Variants in GPRIN1 observed in about 807,000 individuals in gnomAD.
GPRIN1 encodes the protein G protein-regulated inducer of neurite outgrowth 1.
A neutral mutation model predicts 2.8 loss-of-function variants in GPRIN1; 4 were observed. The observed-to-expected ratio is 1.45, with a 90% CI of 0.71 to 3.32. The LOEUF (loss-of-function observed/expected upper bound fraction) is 3.32. GPRIN1 is among the 30% of genes most tolerant of loss of function. The pLI is 0.01. For synonymous variants in GPRIN1, 589 were observed against 589.9 expected (o/e 1.00, Z 0.02); for missense variants, 1,322 against 1,343.4 (o/e 0.98, Z 0.25).
Position 176,598,879 on chromosome 5 carries a change from C to T in GPRIN1, c.956G>A (p.Gly319Asp). The T allele has an allele frequency of 6.2e-7, 1 of 1,614,086 alleles. No homozygotes were observed. The highest frequency in any genetic ancestry group is 1.1e-5 in the South Asian group (1 of 91,084). Residue 319 changes from glycine to aspartate, a missense_variant, in exon 2 of 2, where the codon GGC becomes GAC. Physicochemically the swap from Gly to Asp is moderately conservative, Grantham distance 94. This residue lies in a region of GPRIN1 where 1,117 missense variants were observed against 1,128.6 expected (regional missense o/e 0.99). Coordinates refer to ENST00000303991, the MANE Select transcript of GPRIN1 (RefSeq NM_052899.3). ...STGKTEPGLL[G>D]KLIPGSSGKN... ...GCCTGATGAGCCTGGAATCAGCTTG[C>T]CCAGGAGCCCCGGCTCTGTCTTTCC...
chr5:176,602,725 G>A lies in GPRIN1; in HGVS notation c.-43-2848C>T, dbSNP rs1402799309. 2.6e-5 allele frequency among the ~76,000 whole-genome samples: 4 copies of A among 152,186 alleles called. No homozygotes were observed. The highest frequency in any genetic ancestry group is 4.4e-5 in the Non-Finnish European group (3 of 68,036). On this transcript the variant is annotated intron_variant, in intron 1 of 1. Transcript: ENST00000303991. The surrounding 1 kb of genome is among the most constrained non-coding windows in gnomAD (Gnocchi z 4.4). Reference sequence around the variant, plus strand: ...CTGAAGATGGTCCTGGGGTACACAAGGGCATGGCTAGTGATGAGAACAAGA... The same window carrying A: ...CTGAAGATGGTCCTGGGGTACACAAAGGCATGGCTAGTGATGAGAACAAGA...
Position 176,597,093 on chromosome 5 carries a change from G to T in GPRIN1, c.2742C>A (p.Ser914Arg). Residue 914 changes from serine (S) to arginine (R), a missense_variant, in exon 2 of 2, where the codon AGC becomes AGA. Physicochemically the swap from Ser to Arg is moderately radical, Grantham distance 110 (BLOSUM62 -1). Transcript: ENST00000303991. The surrounding 1 kb of genome is among the most constrained non-coding windows in gnomAD (Gnocchi z 6.1). ...PEPAEPVRDVSWDEKGMTWEV... is the reference protein window; with the variant it reads ...PEPAEPVRDVRWDEKGMTWEV... ...CCCACGTCATGCCCTTCTCGTCCCA[G>T]CTCACGTCTCGCACGGGCTCAGCCG... 6.7e-7 allele frequency: 1 copy of T among 1,493,150 alleles called. No individual in the cohort carries two copies. 92.5% of individuals were successfully genotyped at this position (1,493,150 alleles called of 1,614,324 possible).
At position 176,595,915 on chromosome 5, in the gene GPRIN1, C is replaced by T. The variant is rs116373545; in HGVS notation, c.*893G>A. 967 of 395,006 alleles carry T rather than the reference C, an allele frequency of 2.4e-3. 6 individuals carry two copies. Among genetic ancestry groups the T allele is most frequent in the Non-Finnish European group, 3.8e-3 (844 of 222,912 alleles). The allele number at this position is 395,006 out of a possible 1,614,324, so 24.5% of individuals were successfully genotyped here. A position where few individuals can be genotyped will look rare whatever the true frequency, so the allele number is the denominator to read the frequency against. On this transcript the variant is annotated 3_prime_UTR_variant, in exon 2 of 2. Transcript: ENST00000303991. ...TCACAAGGGACTTGGGCTCACAGCA[C>T]AGGGGGGACAAGGGGCTGGAGAGGG... is the stretch of plus-strand genomic sequence containing the variant.
In GPRIN1 at chr5:176,606,948, A is replaced by G. The variant is rs559118276; in HGVS notation, c.-44+3051T>C. ...TTCCCGTCCCCAACTTGTATTTTCC[A>G]GCCTCTGAGATGGGATAAAGTCCAG... On this transcript the variant is annotated intron_variant, in intron 1 of 1. Transcript: ENST00000303991. Among the ~76,000 whole-genome samples, 3 of 152,286 alleles carry G rather than the reference A, an allele frequency of 2.0e-5. No individual in the cohort carries two copies. In the East Asian group the frequency reaches 5.8e-4, roughly 29 times the overall value.
Position 176,599,593 on chromosome 5 carries a change from G to T in GPRIN1, c.242C>A (p.Ala81Asp). Reference sequence around the variant, plus strand: ...CCCTCTGGGGCCGTCAGAGCAGGAGGCCCCTTCCCCAGCCCCACTGGGGCT... The same window carrying T: ...CCCTCTGGGGCCGTCAGAGCAGGAGTCCCCTTCCCCAGCCCCACTGGGGCT... ...HRSPSGAGEG[A>D]SCSDGPRGSL... The change falls in exon 2 of 2, where the codon GCC (alanine) becomes GAC (aspartate). Residue 81 changes from alanine (A) to aspartate (D), a missense_variant. Ala to Asp is a moderately radical substitution (Grantham distance 126, BLOSUM62 -2). Around this residue, in one of 3 missense-constraint regions of GPRIN1, gnomAD observed 1,117 missense variants for 1,128.6 expected, o/e 0.99. Transcript: ENST00000303991. 1 of 1,547,138 alleles carries T rather than the reference G, an allele frequency of 6.5e-7. No homozygotes were observed. Among genetic ancestry groups the T allele is most frequent in the East Asian group, 2.3e-5 (1 of 44,384 alleles).
Position 176,597,697 on chromosome 5 carries a change from AG to A in GPRIN1, c.2137del (p.Leu713Ter). The A allele has an allele frequency of 6.3e-7, 1 of 1,594,462 alleles. No homozygotes were observed. Among genetic ancestry groups the A allele is most frequent in the Non-Finnish European group, 8.5e-7 (1 of 1,170,676 alleles). Reference sequence around the variant, plus strand: ...GGACGGCTTGGTCTTCTCCAGACTCAGGGGGACCACCTTCCCCAAGGATGGG... The same window carrying A: ...GGACGGCTTGGTCTTCTCCAGACTCAGGGGACCACCTTCCCCAAGGATGGG... Reference protein sequence around the residue: ...ESPSLGKVVPLSLEKTKPSSS... With the variant: ...ESPSLGKVVPXSLEKTKPSSS... On this transcript the variant is annotated frameshift_variant, in exon 2 of 2. Transcript: ENST00000303991. LOFTEE classifies it low-confidence loss of function (END_TRUNC). The surrounding 1 kb of genome is among the most constrained non-coding windows in gnomAD (Gnocchi z 6.1).
rs1759078449 is a variant in GPRIN1 at position 176,597,995 on chromosome 5, C to G, written c.1840G>C (p.Gly614Arg). The change falls in exon 2 of 2, where the codon GGG becomes CGG. Residue 614 changes from glycine (G) to arginine (R), a missense_variant. Physicochemically the swap from Gly to Arg is moderately radical, Grantham distance 125 (BLOSUM62 -2). Transcript: ENST00000303991. This position sits in a 1 kb window ranked among gnomAD's most constrained non-coding sequence, Gnocchi z 6.1. ...GCCTTTGTGGTGGTAACAGGACTCC[C>G]CTTCTCTAGAGGCAGAGAACCCACT... is the stretch of plus-strand genomic sequence containing the variant. ...GKVGSLPLEK[G>R]SPVTTTKADP... 6.2e-7 allele frequency: 1 copy of G among 1,614,056 alleles called. No homozygotes were observed. The highest frequency in any genetic ancestry group is 2.2e-5 in the East Asian group (1 of 44,868).
At chr5:176,608,878 G>T (rs962835506) in intron 1 of GPRIN1, among the ~76,000 whole-genome samples, 3 of 152,230 alleles carry the variant, frequency 2.0e-5, no homozygotes, top group Non-Finnish European at 4.4e-5. Context: ...ACCAACAAAG[G>T]CTTGAGGGAC....
Position 176,596,897 on chromosome 5 carries a change from C to A in GPRIN1, c.2938G>T (p.Ala980Ser). The A allele has an allele frequency of 8.0e-7, 1 of 1,255,874 alleles. No individual in the cohort carries two copies. 77.8% of individuals were successfully genotyped at this position (1,255,874 alleles called of 1,614,324 possible). The part of the protein sequence containing the change: ...SVRTAPPDGA[A>S]KRPPGLFRAL... ...CGGAACAGGCCGGGCGGACGCTTGG[C>A]GGCGCCATCTGGGGGCGCGGTGCGC... is the stretch of plus-strand genomic sequence containing the variant. Residue 980 changes from alanine to serine, a missense_variant, in exon 2 of 2, where the codon GCC becomes TCC. Transcript: ENST00000303991. This position sits in a 1 kb window ranked among gnomAD's most constrained non-coding sequence, Gnocchi z 5.2.
chr5:176,606,986 G>A (rs1034127077), intron 1 of GPRIN1, among the ~76,000 whole-genome samples: 1 of 152,246 alleles, frequency 6.6e-6, no homozygotes, highest in Non-Finnish European at 1.5e-5. Flanking sequence ...TAGGGACAGA[G>A]AGCCTGGTCA....
Position 176,596,930 on chromosome 5 carries a change from C to G in GPRIN1, c.2905G>C (p.Gly969Arg), listed in dbSNP as rs776412296. Residue 969 changes from glycine (G) to arginine (R), a missense_variant, in exon 2 of 2, where the codon GGC (glycine) becomes CGC (arginine). By Grantham distance (125) the Gly-to-Arg change is moderately radical. Coordinates refer to ENST00000303991, the MANE Select transcript of GPRIN1 (RefSeq NM_052899.3). The surrounding 1 kb of genome is among the most constrained non-coding windows in gnomAD (Gnocchi z 5.2). ...TCTGGGGGCGCGGTGCGCACCGAGC[C>G]CGAACGGCCGGGGCCGGCACGGGCG... is the stretch of plus-strand genomic sequence containing the variant. The part of the protein sequence containing the change: ...PAARAGPGRS[G>R]SVRTAPPDGA... The G allele has an allele frequency of 8.2e-7, 1 of 1,220,908 alleles. No homozygotes were observed. The highest frequency in any genetic ancestry group is 1.0e-6 in the Non-Finnish European group (1 of 982,226). 75.6% of individuals were successfully genotyped at this position (1,220,908 alleles called of 1,614,324 possible).
At chr5:176,607,901 CTCTTTTTTTTTTTTTTTTTTTTTT>C (rs1430302184) in intron 1 of GPRIN1, among the ~76,000 whole-genome samples, 3 of 95,906 alleles carry the variant, frequency 3.1e-5, no homozygotes, top group African/African-American at 1.1e-4. Context: ...TGACACTTGG[CTCTTTTTTTTTTTTTTTTTTTTTT>C]TTTTTTTTTT....
intron 1 of GPRIN1, among the ~76,000 whole-genome samples, chr5:176,601,331 C>T (rs1290906239): frequency 6.6e-6 from 1 of 152,210 alleles, no homozygotes; most frequent in African/African-American, 2.4e-5. Flanking sequence ...TTTAATCCTT[C>T]ATTCATTCAC....
At chr5:176,603,139 G>A (rs1759172173) in intron 1 of GPRIN1, among the ~76,000 whole-genome samples, 1 of 152,064 alleles carries the variant, frequency 6.6e-6, no homozygotes, top group African/African-American at 2.4e-5. Flanking sequence ...TACCTTTGGG[G>A]TAAAGTCCAG....
In GPRIN1 at chr5:176,598,372, T is replaced by C; in HGVS notation, c.1463A>G (p.Asn488Ser). ...KVNPESSGKT[N>S]PVSSGPGDPR... ...ATCGCCTGGACCTGAAGACACAGGG[T>C]TTGTCTTTCCTGAAGACTCAGGATT... The change falls in exon 2 of 2, where the codon AAC becomes AGC. Residue 488 changes from asparagine to serine, a missense_variant. This residue lies in a region of GPRIN1 where 1,117 missense variants were observed against 1,128.6 expected (regional missense o/e 0.99). Transcript: ENST00000303991. 2.9e-5 allele frequency: 47 copies of C among 1,613,894 alleles called. No individual in the cohort carries two copies. The highest frequency in any genetic ancestry group is 4.0e-5 in the Non-Finnish European group (47 of 1,179,886).
At chr5:176,600,179 G>C (rs968906743) in intron 1 of GPRIN1, among the ~76,000 whole-genome samples, 1 of 152,166 alleles carries the variant, frequency 6.6e-6, no homozygotes, top group African/African-American at 2.4e-5. Flanking sequence ...GGAGTGCAAT[G>C]GCGCGATCTC....
chr5:176,595,831 C>T lies in GPRIN1; in HGVS notation c.*977G>A, dbSNP rs564142639. 5.8e-5 allele frequency: 41 copies of T among 705,900 alleles called. No individual in the cohort carries two copies. In the African/African-American group the frequency reaches 6.8e-4, roughly 12 times the overall value. The allele number at this position is 705,900 out of a possible 1,614,324, so 43.7% of individuals were successfully genotyped here. A position where few individuals can be genotyped will look rare whatever the true frequency, so the allele number is the denominator to read the frequency against. On this transcript the variant is annotated 3_prime_UTR_variant, in exon 2 of 2. Coordinates refer to ENST00000303991, the MANE Select transcript of GPRIN1 (RefSeq NM_052899.3). ...GGAAATATTTTATTACCAATGTATA[C>T]TGTGACAGTTTGTAGCCAAAAACTG... is the stretch of plus-strand genomic sequence containing the variant.
chr5:176,597,121 T>C lies in GPRIN1; in HGVS notation c.2714A>G (p.Glu905Gly). ...CACGTCTCGCACGGGCTCAGCCGGC[T>C]CCGGGGGCGCTACAGCGGCCGCCAG... ...SALAAAVAPP[E>G]PAEPVRDVSW... The change falls in exon 2 of 2, where the codon GAG becomes GGG. Residue 905 changes from glutamate to glycine, a missense_variant. Transcript: ENST00000303991. The surrounding 1 kb of genome is among the most constrained non-coding windows in gnomAD (Gnocchi z 6.1). 6.8e-7 allele frequency: 1 copy of C among 1,471,948 alleles called. No individual in the cohort carries two copies. The highest frequency in any genetic ancestry group is 9.0e-7 in the Non-Finnish European group (1 of 1,109,080). 91.2% of individuals were successfully genotyped at this position (1,471,948 alleles called of 1,614,324 possible). A position where few individuals can be genotyped will look rare whatever the true frequency, so the allele number is the denominator to read the frequency against.
chr5:176,609,534 G>A (rs537686681), intron 1 of GPRIN1, among the ~76,000 whole-genome samples: 1 of 152,336 alleles, frequency 6.6e-6, no homozygotes, highest in Admixed American at 6.5e-5. Context: ...CTGGTTGTGT[G>A]ACGGCGAGTG....
Sources: gnomAD v4.1 joint callset for allele counts (sites outside exome capture counted in the v4.1 genomes callset) on GRCh38, gnomAD v4.1.1 for gene constraint, gnomAD v4.1.1 regional missense constraint, Gnocchi (gnomAD v3.1) non-coding constraint, MANE v1.5 for transcripts, NCBI Gene and HGNC (gene_info 2026-07-23, HGNC 2026-07-21) for gene names.